DOCK7: variants seen among roughly 807,000 people sequenced by gnomAD.
DOCK7 encodes dedicator of cytokinesis protein 7.
DOCK7 carries 138 observed loss-of-function variants against 271.0 expected under a neutral mutation model. That is an observed-to-expected ratio of 0.51 (90% CI 0.44 to 0.59). The LOEUF (loss-of-function observed/expected upper bound fraction) is 0.59. Ranked by LOEUF, DOCK7 falls within the 20% of genes least tolerant of loss-of-function variation. The probability of loss-of-function intolerance (pLI) is 0.00; values close to 1 mark genes in which losing one functional copy is unlikely to be tolerated. For synonymous variants in DOCK7, 823 were observed against 876.1 expected, an observed-to-expected ratio of 0.94 and a Z score of 1.07; for missense variants, 2,066 against 2,592.4, an observed-to-expected ratio of 0.80 and a Z score of 4.41.
intron 14 of DOCK7, among the ~76,000 whole-genome samples, chr1:62,595,466 T>A (rs899156924): frequency 1.3e-5 from 2 of 152,184 alleles, no homozygotes; most frequent in Non-Finnish European, 2.9e-5. Flanking sequence ...GTCACAAAGC[T>A]GAAGAATATG....
At chr1:62,623,589 G>C (rs1490762712) in intron 12 of DOCK7, among the ~76,000 whole-genome samples, 1 of 152,190 alleles carries the variant, frequency 6.6e-6, no homozygotes, top group East Asian at 1.9e-4. Context: ...TGAAAAGAAA[G>C]CTGTGGAAAT....
intron 1 of DOCK7, among the ~76,000 whole-genome samples, chr1:62,675,488 A>G (rs1258279323): frequency 6.6e-6 from 1 of 152,202 alleles, no homozygotes; most frequent in Non-Finnish European, 1.5e-5. Flanking sequence ...GCACATAAAA[A>G]AGGTCACTAG....
chr1:62,581,062 A>G (rs570356680), intron 16 of DOCK7, among the ~76,000 whole-genome samples: 1 of 152,096 alleles, frequency 6.6e-6, no homozygotes, highest in African/African-American at 2.4e-5. Flanking sequence ...AATATATACC[A>G]TCCAGTCCTT....
intron 12 of DOCK7, among the ~76,000 whole-genome samples, chr1:62,621,953 C>A (rs1465876801): frequency 6.6e-6 from 1 of 152,204 alleles, no homozygotes; most frequent in African/African-American, 2.4e-5. Context: ...TTATTGGTCT[C>A]CATTCTTTAC....
chr1:62,539,512 T>C, intron 27 of DOCK7, 33 bp downstream of exon 27: 2 of 1,511,078 alleles, frequency 1.3e-6, no homozygotes, highest in Non-Finnish European at 1.8e-6. Context: ...ATTTAAATTA[T>C]TTGATTACTA....
intron 7 of DOCK7, among the ~76,000 whole-genome samples, chr1:62,641,868 C>T (rs375326442): frequency 1.3e-5 from 2 of 152,116 alleles, no homozygotes; most frequent in Admixed American, 1.3e-4. Context: ...TAATATTGTT[C>T]CCTCAGCTTT....
chr1:62,644,033 C>T (rs1419976607), intron 7 of DOCK7, among the ~76,000 whole-genome samples: 2 of 151,870 alleles, frequency 1.3e-5, no homozygotes, highest in Non-Finnish European at 2.9e-5. Context: ...TACTTATATT[C>T]TAAATCTGAT....
chr1:62,466,643 A>G (rs568741658), intron 48 of DOCK7, among the ~76,000 whole-genome samples: 1 of 152,308 alleles, frequency 6.6e-6, no homozygotes, highest in East Asian at 1.9e-4. Flanking sequence ...CGTAAAAACA[A>G]CATCTCGGCC....
intron 16 of DOCK7, among the ~76,000 whole-genome samples, chr1:62,580,774 A>G (rs1288617119): frequency 1.3e-5 from 2 of 152,222 alleles, no homozygotes; most frequent in Admixed American, 6.5e-5. Flanking sequence ...TTGGCAAACT[A>G]TGGCCTATGA....
intron 28 of DOCK7, among the ~76,000 whole-genome samples, chr1:62,536,042 G>A (rs1220951198): frequency 1.3e-5 from 2 of 151,896 alleles, no homozygotes; most frequent in South Asian, 2.1e-4. Context: ...AGAGAAATTC[G>A]AAACACCAGT....
chr1:62,505,809 G>A lies in DOCK7; in HGVS notation c.4484C>T (p.Ser1495Phe). The stretch of plus-strand genomic sequence containing the variant: ...AATGCTCTCTTTGGATTCCGTTACA[G>A]AAACGGTCTGCAATTTAAAAATAAA... ...DTLEIVVQTVSVTESKESILG... is the reference protein window; with the variant it reads ...DTLEIVVQTVFVTESKESILG... Residue 1495 changes from serine to phenylalanine, a missense_variant, in exon 36 of 50, where the codon TCT becomes TTT. Coordinates refer to ENST00000635253, the MANE Select transcript of DOCK7 (RefSeq NM_001367561.1). 6.2e-7 allele frequency: 1 copy of A among 1,609,514 alleles called. No homozygotes were observed. The highest frequency in any genetic ancestry group is 8.5e-7 in the Non-Finnish European group (1 of 1,178,416).
intron 30 of DOCK7, among the ~76,000 whole-genome samples, chr1:62,528,714 G>C (rs1014388777): frequency 6.6e-6 from 1 of 152,086 alleles, no homozygotes; most frequent in Non-Finnish European, 1.5e-5. Context: ...GGAAGCTATC[G>C]GGCTAATTGC....
chr1:62,504,750 C>T lies in DOCK7; in HGVS notation c.4644G>A (p.Glu1548=). The T allele has an allele frequency of 1.9e-6, 3 of 1,614,042 alleles. No individual in the cohort carries two copies. The highest frequency in any genetic ancestry group is 2.5e-6 in the Non-Finnish European group (3 of 1,179,980). The part of the protein sequence containing the change: ...FPELLFEEET[E]QCADLCLRLL... Reference sequence around the variant, plus strand: ...GCCTGAGGCATAAATCAGCACACTGCTCTGTCTCTTCTTCAAATAAGAGTT... The same window carrying T: ...GCCTGAGGCATAAATCAGCACACTGTTCTGTCTCTTCTTCAAATAAGAGTT... Residue 1548 remains glutamate, a synonymous_variant, in exon 37 of 50, where the codon GAG becomes GAA. Transcript: ENST00000635253.
intron 14 of DOCK7, among the ~76,000 whole-genome samples, chr1:62,594,468 A>G (rs1045300615): frequency 2.0e-5 from 3 of 152,118 alleles, no homozygotes; most frequent in Non-Finnish European, 2.9e-5. Context: ...GAAATTGCAC[A>G]AATTTTGCAA....
intron 7 of DOCK7, chr1:62,641,337 G>T: frequency 2.5e-6 from 1 of 406,866 alleles, no homozygotes; most frequent in Non-Finnish European, 4.8e-6. Context: ...TTTCTCACAG[G>T]CTTCAGGCAC....
intron 1 of DOCK7, among the ~76,000 whole-genome samples, chr1:62,681,116 C>T (rs189499620): frequency 6.6e-6 from 1 of 152,072 alleles, no homozygotes; most frequent in East Asian, 1.9e-4. Context: ...TTCACAATAG[C>T]AAAGACTTGG....
Position 62,473,839 on chromosome 1 carries a change from C to T in DOCK7, c.6212+143G>A, listed in dbSNP as rs1645899107. On this transcript the variant is annotated intron_variant, in intron 48 of 49. Coordinates refer to ENST00000635253, the MANE Select transcript of DOCK7 (RefSeq NM_001367561.1). ...GCCTCAAATGATTCTTCTGCCTCAG[C>T]CTCCCAAAGTGCTGAGATTGCAGGT... 1.1e-5 allele frequency: 6 copies of T among 540,050 alleles called. No homozygotes were observed. In the South Asian group the frequency reaches 2.5e-4, roughly 22 times the overall value. The allele number at this position is 540,050 out of a possible 1,614,324, so 33.5% of individuals were successfully genotyped here. A position where few individuals can be genotyped will look rare whatever the true frequency, so the allele number is the denominator to read the frequency against.
intron 12 of DOCK7, among the ~76,000 whole-genome samples, chr1:62,621,922 T>C (rs770058254): frequency 3.3e-4 from 51 of 152,328 alleles, no homozygotes; most frequent in Non-Finnish European, 5.1e-4. Context: ...ACCCATTAAA[T>C]TATATTTTCT....
chr1:62,648,201 G>A lies in DOCK7; in HGVS notation c.637C>T (p.Arg213Ter). The A allele has an allele frequency of 2.5e-6, 4 of 1,613,548 alleles. No homozygotes were observed. Among genetic ancestry groups the A allele is most frequent in the Non-Finnish European group, 3.4e-6 (4 of 1,179,746 alleles). Residue 213 changes from arginine (R) to a stop codon, truncating the protein, a stop_gained, in exon 6 of 50, where the codon CGA becomes TGA. Coordinates refer to ENST00000635253, the MANE Select transcript of DOCK7 (RefSeq NM_001367561.1). LOFTEE classifies it high-confidence loss of function. The part of the protein sequence containing the change: ...PDALLPNLLD[R>*]TPNEEIDRQN... Reference sequence around the variant, plus strand: ...CGGTCTATTTCTTCATTTGGAGTTCGATCAAGTAAATTGGGAAGCAAAGCA... The same window carrying A: ...CGGTCTATTTCTTCATTTGGAGTTCAATCAAGTAAATTGGGAAGCAAAGCA...
Sources: gnomAD v4.1 joint callset for allele counts (sites outside exome capture counted in the v4.1 genomes callset) on GRCh38, gnomAD v4.1.1 for gene constraint, MANE v1.5 for transcripts, NCBI Gene and HGNC (gene_info 2026-07-23, HGNC 2026-07-21) for gene names.